Variants in VANGL1 observed in about 807,000 individuals in gnomAD.
VANGL1 encodes the protein vang-like protein 1.
Under a neutral mutation model 48.4 loss-of-function variants are expected in VANGL1, and 18 were observed. The observed-to-expected ratio is 0.37, with a 90% CI of 0.26 to 0.55. The LOEUF (loss-of-function observed/expected upper bound fraction) is 0.55, where lower values mean the gene tolerates loss of function less well. VANGL1 is among the 20% of genes least tolerant of loss of function. The pLI is 0.81. For synonymous variants in VANGL1, 257 were observed against 261.8 expected, an observed-to-expected ratio of 0.98 and a Z score of 0.18; for missense variants, 667 against 675.8, an observed-to-expected ratio of 0.99 and a Z score of 0.14.
chr1:115,694,772 C>T lies in VANGL1; in HGVS notation c.*3393C>T, dbSNP rs1329434559. On this transcript the variant is annotated 3_prime_UTR_variant, in exon 8 of 8. Transcript: ENST00000355485. ...GCGTTTTTATTTCCATATATGTGAGCATTTCTCTGAGTGTATTACCAGACG... is the reference window on the plus strand; with the variant it reads ...GCGTTTTTATTTCCATATATGTGAGTATTTCTCTGAGTGTATTACCAGACG... The T allele has an allele frequency of 1.3e-5, 2 of 152,152 alleles. No homozygotes were observed. The highest frequency in any genetic ancestry group is 2.9e-5 in the Non-Finnish European group (2 of 68,036). The allele number at this position is 152,152 out of a possible 1,614,324, so 9.4% of individuals were successfully genotyped here.
chr1:115,643,183 A>C (rs1378879588), intron 1 of VANGL1, among the ~76,000 whole-genome samples: 1 of 152,254 alleles, frequency 6.6e-6, no homozygotes, highest in Non-Finnish European at 1.5e-5. Flanking sequence ...TTAGTCCAAA[A>C]GCTAACAAAC....
chr1:115,651,825 C>G (rs568134980), intron 2 of VANGL1, among the ~76,000 whole-genome samples: 12 of 151,756 alleles, frequency 7.9e-5, no homozygotes, highest in Admixed American at 3.9e-4. Context: ...GGTGCCATCT[C>G]GGCTCACTGC....
At chr1:115,662,378 A>G (rs1008244859) in intron 3 of VANGL1, among the ~76,000 whole-genome samples, 43 of 152,318 alleles carry the variant, frequency 2.8e-4, no homozygotes, top group African/African-American at 8.4e-4. Context: ...GAGTGAAAGG[A>G]TACATACAAA....
chr1:115,658,758 C>T (rs1324994604), intron 2 of VANGL1, among the ~76,000 whole-genome samples: 6 of 152,088 alleles, frequency 3.9e-5, no homozygotes, highest in African/African-American at 1.2e-4. Context: ...GTGCCAGTTC[C>T]CATAAGTGGT....
At chr1:115,667,141 C>T (rs12137699) in intron 4 of VANGL1, among the ~76,000 whole-genome samples, 28,324 of 152,212 alleles carry the variant, frequency 0.19, 3,117 homozygotes, top group South Asian at 0.31. Flanking sequence ...AAGCCTTCAC[C>T]GTGGCAGCAC....
intron 4 of VANGL1, among the ~76,000 whole-genome samples, chr1:115,680,132 G>T (rs974344208): frequency 2.0e-5 from 3 of 152,090 alleles, no homozygotes; most frequent in South Asian, 2.1e-4. Flanking sequence ...TGGACAGGGG[G>T]CAAGGACGGA....
chr1:115,655,131 A>G (rs1367996926), intron 2 of VANGL1, among the ~76,000 whole-genome samples: 1 of 152,216 alleles, frequency 6.6e-6, no homozygotes, highest in Admixed American at 6.5e-5. Flanking sequence ...CTCCTACCCC[A>G]GCCATAGCCA....
At chr1:115,648,397 A>C (rs2101296330) in intron 1 of VANGL1, among the ~76,000 whole-genome samples, 1 of 152,292 alleles carries the variant, frequency 6.6e-6, no homozygotes, top group Admixed American at 6.5e-5. Context: ...TCCTTTGGTA[A>C]GTACAGGAAG....
chr1:115,651,398 C>G lies in VANGL1; in HGVS notation c.-16C>G. The G allele has an allele frequency of 6.2e-7, 1 of 1,613,464 alleles. No homozygotes were observed. The highest frequency in any genetic ancestry group is 1.1e-5 in the South Asian group (1 of 91,056). On this transcript the variant is annotated 5_prime_UTR_variant, in exon 2 of 8. Coordinates refer to ENST00000355485, the MANE Select transcript of VANGL1 (RefSeq NM_138959.3). ...ACAGTACCTGCTCCTTCCTCAAGCG[C>G]AAGCCCTCCATTGCTATGGATACCG...
At chr1:115,686,370 CAAAAA>C (rs10667490) in intron 7 of VANGL1, among the ~76,000 whole-genome samples, 12 of 104,936 alleles carry the variant, frequency 1.1e-4, no homozygotes, top group South Asian at 7.1e-4. Flanking sequence ...AGACTCCGTC[CAAAAA>C]AAAAAAAAAA....
intron 7 of VANGL1, among the ~76,000 whole-genome samples, chr1:115,690,323 A>G (rs1392562243): frequency 6.6e-6 from 1 of 152,232 alleles, no homozygotes; most frequent in Non-Finnish European, 1.5e-5. Context: ...GAAGATTTGA[A>G]GGGCAGGGAA....
chr1:115,651,634 G>C, intron 2 of VANGL1, 150 bp downstream of exon 2: 1 of 700,286 alleles, frequency 1.4e-6, no homozygotes, highest in Non-Finnish European at 2.5e-6. Context: ...TAACATTCTT[G>C]GGAGTAACTA....
chr1:115,680,362 C>T (rs1392529239), intron 4 of VANGL1, among the ~76,000 whole-genome samples: 1 of 152,170 alleles, frequency 6.6e-6, no homozygotes, highest in Admixed American at 6.5e-5. Context: ...GGTTCATGCT[C>T]CAGGTACCAG....
At chr1:115,646,720 GA>G (rs1355608745) in intron 1 of VANGL1, among the ~76,000 whole-genome samples, 15 of 152,126 alleles carry the variant, frequency 9.9e-5, no homozygotes, top group African/African-American at 3.4e-4. Flanking sequence ...AGGCAGTCAT[GA>G]AAGTGCCTCT....
chr1:115,651,687 C>A (rs999450866), intron 2 of VANGL1, among the ~76,000 whole-genome samples: 1 of 152,184 alleles, frequency 6.6e-6, no homozygotes, highest in South Asian at 2.1e-4. Flanking sequence ...GAGTTGATGA[C>A]TTTAGTTTCT....
intron 4 of VANGL1, 93 bp downstream of exon 4, chr1:115,664,361 A>G: frequency 6.6e-7 from 1 of 1,524,524 alleles, no homozygotes; most frequent in Non-Finnish European, 8.8e-7. Context: ...GACAGATGCC[A>G]AGAGCTAGGA....
chr1:115,691,167 A>AT lies in VANGL1; in HGVS notation c.1363_1364insT (p.Lys455IlefsTer14). On this transcript the variant is annotated frameshift_variant, in exon 8 of 8. Coordinates refer to ENST00000355485, the MANE Select transcript of VANGL1 (RefSeq NM_138959.3). LOFTEE classifies it high-confidence loss of function. Reference sequence around the variant, plus strand: ...TGCGGGCCCCACCCTGCAATATGACAAGGACCGCTGGCTCTCTACACAGTG... The same window carrying AT: ...TGCGGGCCCCACCCTGCAATATGACATAGGACCGCTGGCTCTCTACACAGTG... The AT allele has an allele frequency of 6.2e-7, 1 of 1,614,092 alleles. No individual in the cohort carries two copies. Among genetic ancestry groups the AT allele is most frequent in the Non-Finnish European group, 8.5e-7 (1 of 1,180,014 alleles).
intron 4 of VANGL1, among the ~76,000 whole-genome samples, chr1:115,679,789 G>A (rs941573788): frequency 3.9e-5 from 6 of 152,184 alleles, no homozygotes; most frequent in African/African-American, 1.2e-4. Context: ...TCAGGGTAAT[G>A]CTTTTCTGTT....
In VANGL1 at chr1:115,685,492, C is replaced by T; in HGVS notation, c.1279C>T (p.Leu427=). 2 of 1,614,112 alleles carry T rather than the reference C, an allele frequency of 1.2e-6. No homozygotes were observed. The highest frequency in any genetic ancestry group is 1.7e-6 in the Non-Finnish European group (2 of 1,180,030). ...YHSMESILQH[L]AFCITNGMTP... ...CAGCATGGAGAGCATCCTGCAGCAC[C>T]TGGCCTTCTGCATCACCAACGGCAT... Residue 427 remains leucine (L), a synonymous_variant, in exon 7 of 8, where the codon CTG becomes TTG. Transcript: ENST00000355485.
Sources: allele counts gnomAD v4.1 joint callset (sites outside exome capture counted in the v4.1 genomes callset), GRCh38; gene constraint gnomAD v4.1.1; transcripts MANE v1.5; gene names NCBI Gene and HGNC (gene_info 2026-07-23, HGNC 2026-07-21).